Variants in KCNAB2 observed in about 807,000 individuals in gnomAD.
KCNAB2 encodes voltage-gated potassium channel subunit beta-2.
In KCNAB2, 29 loss-of-function variants were observed where a neutral mutation model predicts 63.6. The ratio of observed to expected loss-of-function variants is 0.46; its 90% CI spans 0.34 to 0.62. The LOEUF (loss-of-function observed/expected upper bound fraction) is 0.62. KCNAB2 is among the 20% of genes least tolerant of loss of function. The probability of loss-of-function intolerance (pLI) is 0.01; values close to 1 mark genes in which losing one functional copy is unlikely to be tolerated. For missense variants in KCNAB2, 359 were observed against 563.9 expected (o/e 0.64, Z 3.68); for synonymous variants, 222 against 224.2 (o/e 0.99, Z 0.09).
intron 1 of KCNAB2, among the ~76,000 whole-genome samples, chr1:6,037,614 T>C (rs1660149248): frequency 6.6e-6 from 1 of 152,208 alleles, no homozygotes; most frequent in Non-Finnish European, 1.5e-5. Flanking sequence ...TGTCCTCCGA[T>C]CGAAAGCACA....
chr1:6,100,117 G>C lies in KCNAB2; in HGVS notation c.*1543G>C. The C allele has an allele frequency of 7.0e-7, 1 of 1,435,450 alleles. No homozygotes were observed. The highest frequency in any genetic ancestry group is 1.5e-5 in the South Asian group (1 of 66,444). 88.9% of individuals were successfully genotyped at this position (1,435,450 alleles called of 1,614,324 possible). A position where few individuals can be genotyped will look rare whatever the true frequency, so the allele number is the denominator to read the frequency against. The stretch of plus-strand genomic sequence containing the variant: ...CCTGGAGGAGCCACTATTCCAGAAG[G>C]CTCCACCCTGCCGTCCTGCGGGAGC... On this transcript the variant is annotated 3_prime_UTR_variant, in exon 16 of 16. Coordinates refer to ENST00000378083, the MANE Select transcript of KCNAB2 (RefSeq NM_001199862.2).
chr1:6,025,819 A>G (rs1410347130), intron 1 of KCNAB2, among the ~76,000 whole-genome samples: 1 of 152,148 alleles, frequency 6.6e-6, no homozygotes, highest in Non-Finnish European at 1.5e-5. Flanking sequence ...GAGCGCAGGT[A>G]AAAGGTGGGC....
intron 1 of KCNAB2, among the ~76,000 whole-genome samples, chr1:5,998,142 C>T (rs1234514585): frequency 6.6e-6 from 1 of 152,234 alleles, no homozygotes; most frequent in Non-Finnish European, 1.5e-5. Flanking sequence ...AGAGGGAGGA[C>T]CAGGCAGGCT....
upstream of KCNAB2, chr1:6,041,980 A>G: frequency 3.0e-6 from 3 of 988,664 alleles, no homozygotes; most frequent in South Asian, 3.9e-5. Flanking sequence ...CTCTGAAGCC[A>G]AAGCCCCCGA....
intron 10 of KCNAB2, among the ~76,000 whole-genome samples, chr1:6,093,946 C>T (rs923981783): frequency 3.3e-5 from 5 of 152,208 alleles, no homozygotes; most frequent in African/African-American, 9.7e-5. Flanking sequence ...AGACCAGAAA[C>T]GCAAAAACAC....
chr1:5,999,934 G>A (rs553479007), intron 1 of KCNAB2, among the ~76,000 whole-genome samples: 41 of 143,310 alleles, frequency 2.9e-4, no homozygotes, highest in East Asian at 9.7e-4. Flanking sequence ...TCCGCATCCC[G>A]CCTGCGCCCT....
At position 6,006,855 on chromosome 1, in the gene KCNAB2, C is replaced by G. The variant is rs111538538; in HGVS notation, c.-53+14067C>G. ...ACCAATCTTTCCCCTCAACTTCTTCCAAGGGCCGTGATTGAAACCCACCTA... is the reference window on the plus strand; with the variant it reads ...ACCAATCTTTCCCCTCAACTTCTTCGAAGGGCCGTGATTGAAACCCACCTA... On this transcript the variant is annotated intron_variant, in intron 1 of 16. Transcript: ENST00000341524. Among the ~76,000 whole-genome samples the G allele has an allele frequency of 1.1e-3, 174 of 151,574 alleles. 1 individual carries two copies. The highest frequency in any genetic ancestry group is 4.0e-3 in the African/African-American group (167 of 41,238).
intron 2 of KCNAB2, 107 bp from the exon 3 acceptor site, chr1:6,072,648 C>A (rs1663304007): frequency 2.4e-6 from 3 of 1,228,028 alleles, no homozygotes; most frequent in Non-Finnish European, 3.6e-6. Context: ...TCCAAACACA[C>A]ATTGACTGTT....
At chr1:6,091,519 T>G (rs1665186016) in intron 10 of KCNAB2, among the ~76,000 whole-genome samples, 1 of 145,842 alleles carries the variant, frequency 6.9e-6, no homozygotes, top group East Asian at 2.2e-4. Context: ...CATCCCCTCG[T>G]TCCTCCTTCC....
At chr1:6,058,578 C>T (rs548501108) in intron 2 of KCNAB2, among the ~76,000 whole-genome samples, 181 of 152,372 alleles carry the variant, frequency 1.2e-3, no homozygotes, top group Non-Finnish European at 2.0e-3. Flanking sequence ...GAAATGCAGG[C>T]CCTTCCCGTC....
intron 2 of KCNAB2, among the ~76,000 whole-genome samples, chr1:6,060,192 A>G (rs1662192915): frequency 6.6e-6 from 1 of 152,178 alleles, no homozygotes; most frequent in Non-Finnish European, 1.5e-5. Flanking sequence ...CTGGAATTCC[A>G]CATGGATCCC....
At chr1:6,016,912 T>C (rs1454277531) in intron 1 of KCNAB2, among the ~76,000 whole-genome samples, 1 of 152,166 alleles carries the variant, frequency 6.6e-6, no homozygotes, top group Non-Finnish European at 1.5e-5. Flanking sequence ...AAAGCGGATT[T>C]GTGTGTCACA....
chr1:6,023,023 C>T (rs1658937217), intron 1 of KCNAB2, among the ~76,000 whole-genome samples: 1 of 151,736 alleles, frequency 6.6e-6, no homozygotes, highest in Admixed American at 6.6e-5. Context: ...GCTGGGATTA[C>T]AGGTGCCTGC....
chr1:6,041,669 G>A (rs934449064), upstream of KCNAB2: 9 of 624,710 alleles, frequency 1.4e-5, no homozygotes, highest in South Asian at 3.7e-5. Context: ...CACCGGCTGC[G>A]CTTCCTCAGA....
chr1:6,099,904 T>G lies in KCNAB2; in HGVS notation c.*1330T>G. 1.3e-6 allele frequency: 2 copies of G among 1,550,356 alleles called. No individual in the cohort carries two copies. The highest frequency in any genetic ancestry group is 1.7e-6 in the Non-Finnish European group (2 of 1,146,902). ...GGAGGGCAAGGGATGCCAGTAAGTC[T>G]GCAGGTGCGGGGTGCCACCTACAGG... On this transcript the variant is annotated 3_prime_UTR_variant, in exon 16 of 16. Coordinates refer to ENST00000378083, the MANE Select transcript of KCNAB2 (RefSeq NM_001199862.2).
intron 2 of KCNAB2, among the ~76,000 whole-genome samples, chr1:6,061,940 G>A (rs934814826): frequency 1.3e-5 from 2 of 152,158 alleles, no homozygotes; most frequent in African/African-American, 4.8e-5. Context: ...TCACCCACTA[G>A]ATGACCAGGC....
upstream of KCNAB2, among the ~76,000 whole-genome samples, chr1:6,044,823 C>T (rs1366004184): frequency 6.6e-6 from 1 of 152,072 alleles, no homozygotes; most frequent in African/African-American, 2.4e-5. Flanking sequence ...TGAAGGGGTG[C>T]AGGGCCTGAA....
intron 1 of KCNAB2, among the ~76,000 whole-genome samples, chr1:6,009,862 T>C (rs894529742): frequency 7.0e-6 from 1 of 142,552 alleles, no homozygotes; most frequent in African/African-American, 2.5e-5. Flanking sequence ...TGCTATTTCT[T>C]TTCTTTTTTT....
chr1:6,013,170 A>G (rs189548822), intron 1 of KCNAB2, among the ~76,000 whole-genome samples: 1 of 152,256 alleles, frequency 6.6e-6, no homozygotes, highest in East Asian at 1.9e-4. Flanking sequence ...TGCGTTCATC[A>G]AAAGCGTGCT....
Sources: allele counts gnomAD v4.1 joint callset (sites outside exome capture counted in the v4.1 genomes callset), GRCh38; gene constraint gnomAD v4.1.1; transcripts MANE v1.5; gene names NCBI Gene and HGNC (gene_info 2026-07-23, HGNC 2026-07-21).